ZNF646: variants seen among roughly 807,000 people sequenced by gnomAD.
The protein encoded by ZNF646 is zinc finger protein 646.
In ZNF646, 49 loss-of-function variants were observed where a neutral mutation model predicts 115.4. The observed-to-expected ratio is 0.42, with a 90% CI of 0.34 to 0.54. The LOEUF (loss-of-function observed/expected upper bound fraction) is 0.54. Among genes scored for constraint, ZNF646 ranks in the 20% least tolerant of loss-of-function variants. ZNF646 has a pLI of 0.04. For missense variants in ZNF646, 2,269 were observed against 2,457.9 expected (o/e 0.92, Z 1.62); for synonymous variants, 933 against 939.0 (o/e 0.99, Z 0.12).
Position 31,081,088 on chromosome 16 carries a change from T to C in ZNF646, c.4764T>C (p.Pro1588=), listed in dbSNP as rs1187531648. 2.5e-6 allele frequency: 4 copies of C among 1,613,736 alleles called. No homozygotes were observed. Among genetic ancestry groups the C allele is most frequent in the South Asian group, 2.2e-5 (2 of 91,084 alleles). Residue 1588 remains proline, a synonymous_variant, in exon 2 of 3, where the codon CCT becomes CCC. Transcript: ENST00000300850. The part of the protein sequence containing the change: ...NHIDAQTFAC[P]DCGKAFESHQ... ...TAGACGCCCAGACCTTTGCCTGTCC[T>C]GACTGTGGCAAAGCCTTTGAGTCCC... is the stretch of plus-strand genomic sequence containing the variant.
rs763314237 is a variant in ZNF646, at chr16:31,076,583, C to A, written c.259C>A (p.Pro87Thr). ...CTTCGKDFSN[P>T]MALKSHMRTH... ...CACCTGTGGCAAGGACTTCTCCAATCCCATGGCTCTCAAGAGCCATATGAG... is the reference window on the plus strand; with the variant it reads ...CACCTGTGGCAAGGACTTCTCCAATACCATGGCTCTCAAGAGCCATATGAG... The change falls in exon 2 of 3, where the codon CCC becomes ACC. Residue 87 changes from proline to threonine, a missense_variant. Around this residue, in one of 5 missense-constraint regions of ZNF646, gnomAD observed 334 missense variants for 323.5 expected, o/e 1.03. Transcript: ENST00000300850. 13 of 1,612,702 alleles carry A rather than the reference C, an allele frequency of 8.1e-6. No individual in the cohort carries two copies. The South Asian group carries it at 1.3e-4, about 16-fold the overall frequency.
At position 31,077,407 on chromosome 16, in the gene ZNF646, G is replaced by A. The variant is rs955237336; in HGVS notation, c.1083G>A (p.Gly361=). The A allele has an allele frequency of 1.3e-5, 21 of 1,612,904 alleles. No individual in the cohort carries two copies. Among genetic ancestry groups the A allele is most frequent in the Non-Finnish European group, 1.7e-5 (20 of 1,179,756 alleles). ...GCTCTGCGGAGCTCAGCACCTCTGG[G>A]GAGCTGGAGGACAGTGGCCTGGAGG... ...LNGSAELSTS[G]ELEDSGLEEY... The change falls in exon 2 of 3, where the codon GGG becomes GGA. Residue 361 remains glycine, a synonymous_variant. Coordinates refer to ENST00000300850, the MANE Select transcript of ZNF646 (RefSeq NM_014699.4).
Position 31,083,379 on chromosome 16 carries a change from G to T in ZNF646, c.*287G>T. On this transcript the variant is annotated 3_prime_UTR_variant, in exon 3 of 3. Coordinates refer to ENST00000300850, the MANE Select transcript of ZNF646 (RefSeq NM_014699.4). ...GAGGCGGATGCAGAGCCCCACCGGT[G>T]GGAAAGTTGCCTGTGGAAGGGAGCC... is the stretch of plus-strand genomic sequence containing the variant. 9.0e-7 allele frequency: 1 copy of T among 1,114,252 alleles called. No homozygotes were observed. The highest frequency in any genetic ancestry group is 1.2e-6 in the Non-Finnish European group (1 of 836,132). The allele number at this position is 1,114,252 out of a possible 1,614,324, so 69.0% of individuals were successfully genotyped here.
rs1396644682 is a variant in ZNF646, at chr16:31,082,960, T to C, written c.5378-11T>C. On this transcript the variant is annotated splice_polypyrimidine_tract_variant and intron_variant, in intron 2 of 2. Coordinates refer to ENST00000300850, the MANE Select transcript of ZNF646 (RefSeq NM_014699.4). ...CCCTCAGTTGGTGACCTCCTCTCTCTCTCCCCCCAGGAGCCCCAGTGGCAC... is the reference window on the plus strand; with the variant it reads ...CCCTCAGTTGGTGACCTCCTCTCTCCCTCCCCCCAGGAGCCCCAGTGGCAC... 3.8e-6 allele frequency: 6 copies of C among 1,573,924 alleles called. No individual in the cohort carries two copies. The highest frequency in any genetic ancestry group is 4.3e-6 in the Non-Finnish European group (5 of 1,158,998).
At position 31,083,967 on chromosome 16, in the gene ZNF646, G is replaced by A. The variant is rs953522751; in HGVS notation, c.*875G>A. 17 of 1,497,220 alleles carry A rather than the reference G, an allele frequency of 1.1e-5. No individual in the cohort carries two copies. Among genetic ancestry groups the A allele is most frequent in the African/African-American group, 1.4e-5 (1 of 71,794 alleles). 92.7% of individuals were successfully genotyped at this position (1,497,220 alleles called of 1,614,324 possible). On this transcript the variant is annotated 3_prime_UTR_variant, in exon 3 of 3. Coordinates refer to ENST00000300850, the MANE Select transcript of ZNF646 (RefSeq NM_014699.4). ...TTGAGCAGCCTGCTCCAAGTCACAC[G>A]ATGACAAAGAACCAGAATCTGAATC...
Position 31,081,246 on chromosome 16 carries a change from C to T in ZNF646, c.4922C>T (p.Ala1641Val), listed in dbSNP as rs769768028. Residue 1641 changes from alanine (A) to valine (V), a missense_variant, in exon 2 of 3, where the codon GCC becomes GTC. Ala to Val is a moderately conservative substitution (Grantham distance 64, BLOSUM62 0). This residue lies in a region of ZNF646 where 1,062 missense variants were observed against 1,172.8 expected (regional missense o/e 0.91). Coordinates refer to ENST00000300850, the MANE Select transcript of ZNF646 (RefSeq NM_014699.4). ...DQVVLPGQGK[A>V]QEAPSETPRG... The stretch of plus-strand genomic sequence containing the variant: ...GTGGTTCTCCCTGGTCAAGGGAAAG[C>T]CCAGGAGGCCCCATCAGAAACCCCC... The T allele has an allele frequency of 5.0e-6, 8 of 1,598,672 alleles. No individual in the cohort carries two copies. Among genetic ancestry groups the T allele is most frequent in the Non-Finnish European group, 6.8e-6 (8 of 1,171,252 alleles).
rs758715316 is a variant in ZNF646 at position 31,076,515 on chromosome 16, T to A, written c.191T>A (p.Val64Asp). 1 of 1,613,228 alleles carries A rather than the reference T, an allele frequency of 6.2e-7. No homozygotes were observed. The highest frequency in any genetic ancestry group is 8.5e-7 in the Non-Finnish European group (1 of 1,179,694). The change falls in exon 2 of 3, where the codon GTT (valine) becomes GAT (aspartate). Residue 64 changes from valine (V) to aspartate (D), a missense_variant. Physicochemically the swap from Val to Asp is radical, Grantham distance 152 (BLOSUM62 -3). Around this residue, in one of 5 missense-constraint regions of ZNF646, gnomAD observed 334 missense variants for 323.5 expected, o/e 1.03. Transcript: ENST00000300850. ...GGCTACCGTCACCCCGGGAGCCTGG[T>A]TAACCATCGTCGGACCCACGAGACT... ...GRGYRHPGSLVNHRRTHETGL... is the reference protein window; with the variant it reads ...GRGYRHPGSLDNHRRTHETGL...
rs763431160 is a variant in ZNF646, at chr16:31,080,939, A to C, written c.4615A>C (p.Thr1539Pro). ...SHSSCSQCGK[T>P]YCQSGSLLNH... ...CTCCTCTTGCAGCCAGTGTGGCAAGACTTACTGCCAGTCAGGCAGCCTCTT... is the reference window on the plus strand; with the variant it reads ...CTCCTCTTGCAGCCAGTGTGGCAAGCCTTACTGCCAGTCAGGCAGCCTCTT... Residue 1539 changes from threonine to proline, a missense_variant, in exon 2 of 3, where the codon ACT (threonine) becomes CCT (proline). By Grantham distance (38) the Thr-to-Pro change is conservative (BLOSUM62 -1). Coordinates refer to ENST00000300850, the MANE Select transcript of ZNF646 (RefSeq NM_014699.4). 6.2e-7 allele frequency: 1 copy of C among 1,614,022 alleles called. No homozygotes were observed. The highest frequency in any genetic ancestry group is 8.5e-7 in the Non-Finnish European group (1 of 1,180,038).
At position 31,080,411 on chromosome 16, in the gene ZNF646, G is replaced by A. The variant is rs1166943278; in HGVS notation, c.4087G>A (p.Ala1363Thr). Residue 1363 changes from alanine to threonine, a missense_variant, in exon 2 of 3, where the codon GCT becomes ACT. Ala to Thr is a moderately conservative substitution (Grantham distance 58). Around this residue, in one of 5 missense-constraint regions of ZNF646, gnomAD observed 1,062 missense variants for 1,172.8 expected, o/e 0.91. Coordinates refer to ENST00000300850, the MANE Select transcript of ZNF646 (RefSeq NM_014699.4). ...RRRAGRSRRT[A>T]VRCALCGRSF... ...ACGGGCTGGACGGTCCAGGCGCACAGCTGTGCGTTGCGCCCTCTGTGGCCG... is the reference window on the plus strand; with the variant it reads ...ACGGGCTGGACGGTCCAGGCGCACAACTGTGCGTTGCGCCCTCTGTGGCCG... 1 of 1,613,172 alleles carries A rather than the reference G, an allele frequency of 6.2e-7. No individual in the cohort carries two copies. The highest frequency in any genetic ancestry group is 1.3e-5 in the African/African-American group (1 of 75,072).
chr16:31,072,811 T>C (rs1329520919), upstream of ZNF646: 1 of 152,362 alleles, frequency 6.6e-6, no homozygotes, highest in Non-Finnish European at 1.5e-5. Context: ...CAATTCTCAA[T>C]CCTCCACCTC....
At chr16:31,075,993 C>G (rs75489496) in intron 1 of ZNF646, 3,419 of 261,246 alleles carry the variant, frequency 0.013, 119 homozygotes, top group African/African-American at 0.07. Flanking sequence ...TAGGTTGCAT[C>G]TCTCTCAACT....
chr16:31,081,217 C>A lies in ZNF646; in HGVS notation c.4893C>A (p.Asp1631Glu), dbSNP rs148161746. 1 of 1,590,338 alleles carries A rather than the reference C, an allele frequency of 6.3e-7. No homozygotes were observed. Among genetic ancestry groups the A allele is most frequent in the East Asian group, 2.2e-5 (1 of 44,574 alleles). The change falls in exon 2 of 3, where the codon GAC becomes GAA. Residue 1631 changes from aspartate to glutamate, a missense_variant. By Grantham distance (45) the Asp-to-Glu change is conservative. Around this residue, in one of 5 missense-constraint regions of ZNF646, gnomAD observed 1,062 missense variants for 1,172.8 expected, o/e 0.91. Transcript: ENST00000300850. ...ATCCCAAAGCCGGGACTGGGGAGGA[C>A]CAGGTGGTTCTCCCTGGTCAAGGGA... Reference protein sequence around the residue: ...ARDPKAGTGEDQVVLPGQGKA... With the variant: ...ARDPKAGTGEEQVVLPGQGKA...
Position 31,083,940 on chromosome 16 carries a change from G to A in ZNF646, c.*848G>A, listed in dbSNP as rs931951433. Reference sequence around the variant, plus strand: ...AGATGAGAATACTGAGGCTCAAAGCGGTTGAGCAGCCTGCTCCAAGTCACA... The same window carrying A: ...AGATGAGAATACTGAGGCTCAAAGCAGTTGAGCAGCCTGCTCCAAGTCACA... On this transcript the variant is annotated 3_prime_UTR_variant, in exon 3 of 3. Coordinates refer to ENST00000300850, the MANE Select transcript of ZNF646 (RefSeq NM_014699.4). The A allele has an allele frequency of 7.2e-6, 11 of 1,527,786 alleles. No individual in the cohort carries two copies. The highest frequency in any genetic ancestry group is 2.5e-5 in the South Asian group (2 of 79,134). 94.6% of individuals were successfully genotyped at this position (1,527,786 alleles called of 1,614,324 possible).
rs2057198676 is a variant in ZNF646 at position 31,084,004 on chromosome 16, C to T, written c.*912C>T. 2.7e-6 allele frequency: 4 copies of T among 1,498,710 alleles called. No individual in the cohort carries two copies. The Admixed American group carries it at 8.6e-5, about 32-fold the overall frequency. 92.8% of individuals were successfully genotyped at this position (1,498,710 alleles called of 1,614,324 possible). On this transcript the variant is annotated 3_prime_UTR_variant, in exon 3 of 3. Transcript: ENST00000300850. The stretch of plus-strand genomic sequence containing the variant: ...CCAGAATCTGAATCAAATGGGTCTG[C>T]CTGTTGCTCCACCCTACCCAAGGCA...
rs146568094 is a variant in ZNF646, at chr16:31,079,969, C to G, written c.3645C>G (p.Ala1215=). The change falls in exon 2 of 3, where the codon GCC becomes GCG. Residue 1215 remains alanine (A), a synonymous_variant. Coordinates refer to ENST00000300850, the MANE Select transcript of ZNF646 (RefSeq NM_014699.4). This position sits in a 1 kb window ranked among gnomAD's most constrained non-coding sequence, Gnocchi z 5.5. ...CEVCGRSYKH[A]GSLINHRQSH... ...TGTGTGGCCGATCCTACAAGCACGCCGGCAGCCTCATCAACCACCGGCAGA... is the reference window on the plus strand; with the variant it reads ...TGTGTGGCCGATCCTACAAGCACGCGGGCAGCCTCATCAACCACCGGCAGA... 8.5e-5 allele frequency: 137 copies of G among 1,609,266 alleles called. No homozygotes were observed. The highest frequency in any genetic ancestry group is 1.2e-4 in the Non-Finnish European group (136 of 1,176,770).
rs1596769920 is a variant in ZNF646 at position 31,078,035 on chromosome 16, A to G, written c.1711A>G (p.Lys571Glu). The G allele has an allele frequency of 2.5e-6, 4 of 1,614,208 alleles. No individual in the cohort carries two copies. In the African/African-American group the frequency reaches 5.3e-5, roughly 22 times the overall value. Reference sequence around the variant, plus strand: ...CACGGACATCACCCCAGCAGCAGACAAGACAGCAGCACATATCTGTAGCAT... The same window carrying G: ...CACGGACATCACCCCAGCAGCAGACGAGACAGCAGCACATATCTGTAGCAT... ...EATDITPAAD[K>E]TAAHICSICG... The change falls in exon 2 of 3, where the codon AAG (lysine) becomes GAG (glutamate). Residue 571 changes from lysine (K) to glutamate (E), a missense_variant. Physicochemically the swap from Lys to Glu is moderately conservative, Grantham distance 56. Around this residue, in one of 5 missense-constraint regions of ZNF646, gnomAD observed 852 missense variants for 900.2 expected, o/e 0.95. Coordinates refer to ENST00000300850, the MANE Select transcript of ZNF646 (RefSeq NM_014699.4).
rs755782957 is a variant in ZNF646 at position 31,079,430 on chromosome 16, C to G, written c.3106C>G (p.Leu1036Val). The G allele has an allele frequency of 2.0e-5, 33 of 1,613,964 alleles. No homozygotes were observed. Among genetic ancestry groups the G allele is most frequent in the Non-Finnish European group, 2.8e-5 (33 of 1,180,006 alleles). ...AGCAGGCACCCCCTTGGGAGACAGC[C>G]TCTGCATCCAGGGTGGGGAAAGTTT... Reference protein sequence around the residue: ...EGAGTPLGDSLCIQGGESLLE... With the variant: ...EGAGTPLGDSVCIQGGESLLE... The change falls in exon 2 of 3, where the codon CTC becomes GTC. Residue 1036 changes from leucine to valine, a missense_variant. Coordinates refer to ENST00000300850, the MANE Select transcript of ZNF646 (RefSeq NM_014699.4). This position sits in a 1 kb window ranked among gnomAD's most constrained non-coding sequence, Gnocchi z 5.5.
rs767050861 is a variant in ZNF646 at position 31,078,914 on chromosome 16, C to G, written c.2590C>G (p.Arg864Gly). 2.2e-5 allele frequency: 36 copies of G among 1,613,548 alleles called. No individual in the cohort carries two copies. Among genetic ancestry groups the G allele is most frequent in the Admixed American group, 8.3e-5 (5 of 60,010 alleles). Residue 864 changes from arginine to glycine, a missense_variant, in exon 2 of 3, where the codon CGC (arginine) becomes GGC (glycine). Physicochemically the swap from Arg to Gly is moderately radical, Grantham distance 125. This residue lies in a region of ZNF646 where 852 missense variants were observed against 900.2 expected (regional missense o/e 0.95). Coordinates refer to ENST00000300850, the MANE Select transcript of ZNF646 (RefSeq NM_014699.4). The part of the protein sequence containing the change: ...PKEFDSLPAL[R>G]SHFQNHRPGE... ...GGAGTTTGACTCTCTGCCTGCCCTC[C>G]GCAGCCACTTCCAGAACCATAGGCC...
chr16:31,081,016 G>A lies in ZNF646; in HGVS notation c.4692G>A (p.Lys1564=), dbSNP rs773921387. ...TDRHYCLLCS[K]EFLNPVATKS... The stretch of plus-strand genomic sequence containing the variant: ...GACACTATTGCCTGCTCTGCTCCAA[G>A]GAGTTCTTAAATCCTGTGGCCACAA... The change falls in exon 2 of 3, where the codon AAG becomes AAA. Residue 1564 remains lysine, a synonymous_variant. Coordinates refer to ENST00000300850, the MANE Select transcript of ZNF646 (RefSeq NM_014699.4). 9.3e-6 allele frequency: 15 copies of A among 1,613,986 alleles called. No homozygotes were observed. Among genetic ancestry groups the A allele is most frequent in the Middle Eastern group, 1.6e-4 (1 of 6,062 alleles).
Sources: allele counts gnomAD v4.1 joint callset, GRCh38; gene constraint gnomAD v4.1.1; regional missense constraint gnomAD v4.1.1; non-coding constraint Gnocchi (gnomAD v3.1); transcripts MANE v1.5; gene names NCBI Gene and HGNC (gene_info 2026-07-23, HGNC 2026-07-21).